Variants in ANKAR observed in about 807,000 individuals in gnomAD.
ANKAR encodes the protein ankyrin and armadillo repeat containing, also known as ankyrin and armadillo repeat-containing protein.
In ANKAR, 136 loss-of-function variants were observed where a neutral mutation model predicts 146.2. That is an observed-to-expected ratio of 0.93 (90% CI 0.81 to 1.07). ANKAR has a LOEUF of 1.07. ANKAR is among the 50% of genes least tolerant of loss of function. The pLI is 0.00. For synonymous variants in ANKAR, 500 were observed against 575.8 expected, an observed-to-expected ratio of 0.87 and a Z score of 1.88; for missense variants, 1,567 against 1,679.9, an observed-to-expected ratio of 0.93 and a Z score of 1.18.
In ANKAR at chr2:189,737,843, T is replaced by C; in HGVS notation, c.3582+2T>C. On this transcript the variant is annotated splice_donor_variant, in intron 18 of 22. Transcript: ENST00000684021. LOFTEE classifies it high-confidence loss of function. ...GAGAAGGCAATGGCAGCATTTCAGGTATAAAATTGAGATTAACACCTCAAA... is the reference window on the plus strand; with the variant it reads ...GAGAAGGCAATGGCAGCATTTCAGGCATAAAATTGAGATTAACACCTCAAA... 1 of 1,539,202 alleles carries C rather than the reference T, an allele frequency of 6.5e-7. No individual in the cohort carries two copies. Among genetic ancestry groups the C allele is most frequent in the Non-Finnish European group, 8.7e-7 (1 of 1,151,156 alleles).
In ANKAR at chr2:189,754,902, A is replaced by G. The variant is rs16831961; in HGVS notation, c.*585-6196A>G. 1,664 of 414,778 alleles carry G rather than the reference A, an allele frequency of 4.0e-3. 26 individuals are homozygous for G. Among genetic ancestry groups the G allele is most frequent in the African/African-American group, 0.032 (1,535 of 47,552 alleles). The allele number at this position is 414,778 out of a possible 1,614,324, so 25.7% of individuals were successfully genotyped here. A position where few individuals can be genotyped will look rare whatever the true frequency, so the allele number is the denominator to read the frequency against. On this transcript the variant is annotated intron_variant and NMD_transcript_variant, in intron 18 of 18. Transcript: ENST00000441800. ...TAGTTTACGAAGCACGTTCTTTCACATACATTATTTGGCAAAATACATAAC... is the reference window on the plus strand; with the variant it reads ...TAGTTTACGAAGCACGTTCTTTCACGTACATTATTTGGCAAAATACATAAC...
chr2:189,755,633 A>C, intron 18 of ANKAR: 1 of 1,476,648 alleles, frequency 6.8e-7, no homozygotes, highest in Non-Finnish European at 9.1e-7. Context: ...TACAGCTAAA[A>C]GCATGTCTTC....
intron 10 of ANKAR, among the ~76,000 whole-genome samples, chr2:189,716,993 G>T (rs544027390): frequency 6.6e-6 from 1 of 152,204 alleles, no homozygotes; most frequent in African/African-American, 2.4e-5. Context: ...AACCCTAGAA[G>T]AAAACCTAGG....
chr2:189,712,853 C>A (rs1281036942), intron 10 of ANKAR, among the ~76,000 whole-genome samples: 2 of 152,258 alleles, frequency 1.3e-5, no homozygotes, highest in East Asian at 3.9e-4. Flanking sequence ...TCGAACCCAT[C>A]ACAAGGAAGC....
chr2:189,738,736 GT>G, intron 19 of ANKAR, 54 bp downstream of exon 19: 1 of 1,132,244 alleles, frequency 8.8e-7, no homozygotes, highest in Middle Eastern at 2.8e-4. Context: ...TTCAAAAACA[GT>G]TTATTGTAAT....
At chr2:189,761,650 A>T, downstream of ANKAR, 1 of 1,545,494 alleles carries the variant, frequency 6.5e-7, no homozygotes, top group Non-Finnish European at 8.7e-7. Context: ...TACTTACTCT[A>T]TAGATAATTC....
At chr2:189,761,880 T>C (rs1419740133), downstream of ANKAR, among the ~76,000 whole-genome samples, 1 of 152,200 alleles carries the variant, frequency 6.6e-6, no homozygotes, top group East Asian at 1.9e-4. Flanking sequence ...GTATTATTAT[T>C]ACTTGCATGC....
downstream of ANKAR, among the ~76,000 whole-genome samples, chr2:189,749,597 A>C (rs185115004): frequency 6.3e-4 from 96 of 152,298 alleles, 2 homozygotes; most frequent in Admixed American, 6.1e-3. Context: ...ATTATATACA[A>C]TTTCTCAAAT....
intron 10 of ANKAR, among the ~76,000 whole-genome samples, chr2:189,714,458 C>A (rs2040143444): frequency 1.3e-5 from 2 of 152,338 alleles, no homozygotes; most frequent in Admixed American, 6.5e-5. Flanking sequence ...TTAAGAAACT[C>A]ACTCAAAACC....
chr2:189,762,682 C>T (rs1335453312), downstream of ANKAR: 5 of 985,294 alleles, frequency 5.1e-6, no homozygotes, highest in African/African-American at 1.7e-5. Flanking sequence ...CAATTTCACC[C>T]ACCTTCCACT....
chr2:189,748,255 G>A (rs1325679999), downstream of ANKAR, among the ~76,000 whole-genome samples: 1 of 152,190 alleles, frequency 6.6e-6, no homozygotes, highest in East Asian at 1.9e-4. Context: ...CAGGTTGGAC[G>A]GCAATAGTGC....
At chr2:189,733,928 C>T (rs1021030428) in intron 17 of ANKAR, among the ~76,000 whole-genome samples, 1 of 151,862 alleles carries the variant, frequency 6.6e-6, no homozygotes, top group Non-Finnish European at 1.5e-5. Context: ...GAAGCTCAGC[C>T]CTTCTTTGTT....
At chr2:189,725,905 C>T (rs754898135) in intron 12 of ANKAR, among the ~76,000 whole-genome samples, 3 of 151,714 alleles carry the variant, frequency 2.0e-5, no homozygotes, top group Non-Finnish European at 4.4e-5. Flanking sequence ...GAGACCTTGT[C>T]TCAAAAAAGA....
intron 10 of ANKAR, among the ~76,000 whole-genome samples, chr2:189,716,888 T>A (rs552981882): frequency 4.6e-5 from 7 of 152,244 alleles, no homozygotes; most frequent in Non-Finnish European, 8.8e-5. Flanking sequence ...GCTAGCCATA[T>A]GTAGAAAGCT....
Position 189,696,167 on chromosome 2 carries a change from G to A in ANKAR, c.1506G>A (p.Met502Ile), listed in dbSNP as rs144424128. Residue 502 changes from methionine to isoleucine, a missense_variant, in exon 7 of 23, where the codon ATG (methionine) becomes ATA (isoleucine). Transcript: ENST00000684021. ...AMKCKSIPFG[M>I]KSAVERGLSA... ...AATTTTAGAGTATTCCATTTGGTAT[G>A]AAGTCCGCTGTTGAAAGAGGGTTGT... The A allele has an allele frequency of 1.4e-5, 22 of 1,613,954 alleles. No homozygotes were observed. In the Middle Eastern group the frequency reaches 4.9e-4, roughly 36 times the overall value.
At chr2:189,729,252 G>A (rs1312886301) in intron 15 of ANKAR, among the ~76,000 whole-genome samples, 1 of 152,160 alleles carries the variant, frequency 6.6e-6, no homozygotes, top group Non-Finnish European at 1.5e-5. Context: ...CAAAGGAATT[G>A]ACATTTTGGG....
At chr2:189,722,620 C>A (rs976289161) in intron 12 of ANKAR, among the ~76,000 whole-genome samples, 4 of 152,038 alleles carry the variant, frequency 2.6e-5, no homozygotes. Context: ...TGGTAGCTCA[C>A]GCCTGTAATC....
rs940781630 is a variant in ANKAR at position 189,728,065 on chromosome 2, T to A, written c.2845T>A (p.Ser949Thr). 6 of 1,612,860 alleles carry A rather than the reference T, an allele frequency of 3.7e-6. No individual in the cohort carries two copies. The highest frequency in any genetic ancestry group is 4.2e-6 in the Non-Finnish European group (5 of 1,179,394). Residue 949 changes from serine (S) to threonine (T), a missense_variant, in exon 13 of 23, where the codon TCG becomes ACG. Transcript: ENST00000684021. ...ALIQKAFLEK[S>T]LTKYLLKLLK... ...TATACAGAAAGCATTTCTGGAAAAATCGTTAACTAAATATCTTTTAAAACT... is the reference window on the plus strand; with the variant it reads ...TATACAGAAAGCATTTCTGGAAAAAACGTTAACTAAATATCTTTTAAAACT...
At position 189,707,099 on chromosome 2, in the gene ANKAR, T is replaced by A; in HGVS notation, c.2072T>A (p.Ile691Lys). 1.3e-6 allele frequency: 2 copies of A among 1,584,722 alleles called. No homozygotes were observed. The highest frequency in any genetic ancestry group is 8.6e-7 in the Non-Finnish European group (1 of 1,165,672). Residue 691 changes from isoleucine to lysine, a missense_variant, in exon 9 of 23, where the codon ATA becomes AAA. Transcript: ENST00000684021. ...LTFHTEVLKY[I>K]IKLNIPELPV... is the part of the protein sequence containing the mutation. ...TTTCATACAGAGGTTCTCAAATATA[T>A]AATAAAATTAAATATTCCTGAACTC...
Sources: allele counts gnomAD v4.1 joint callset (sites outside exome capture counted in the v4.1 genomes callset), GRCh38; gene constraint gnomAD v4.1.1; transcripts MANE v1.5; gene names NCBI Gene and HGNC (gene_info 2026-07-23, HGNC 2026-07-21).